The following CYP2C19 variants were observed in gnomAD, a reference collection of about 807,000 sequenced individuals.
The protein encoded by CYP2C19 is cytochrome P450 2C19.
A neutral mutation model predicts 40.9 loss-of-function variants in CYP2C19; 59 were observed. The ratio of observed to expected loss-of-function variants is 1.44; its 90% CI spans 1.17 to 1.79. The LOEUF (loss-of-function observed/expected upper bound fraction) is 1.79, where lower values mean the gene tolerates loss of function less well. CYP2C19 is among the 40% of genes most tolerant of loss of function. The pLI is 0.00. For missense variants in CYP2C19, 754 were observed against 596.9 expected (o/e 1.26, Z -2.74); for synonymous variants, 253 against 208.7 (o/e 1.21, Z -1.83).
At chr10:94,824,363 A>G (rs927204531) in intron 6 of CYP2C19, among the ~76,000 whole-genome samples, 1 of 152,182 alleles carries the variant, frequency 6.6e-6, no homozygotes. Context: ...AAAGATAAGT[A>G]AGAAATAGAA....
intron 6 of CYP2C19, among the ~76,000 whole-genome samples, chr10:94,839,068 T>C (rs1849449340): frequency 1.3e-5 from 2 of 152,300 alleles, no homozygotes; most frequent in South Asian, 4.1e-4. Context: ...ACACCCCTAG[T>C]CATTTTCTGA....
chr10:94,852,973 C>T lies in CYP2C19; in HGVS notation c.*59C>T. On this transcript the variant is annotated 3_prime_UTR_variant, in exon 9 of 9. Transcript: ENST00000371321. Reference sequence around the variant, plus strand: ...TCCCTGCAGCTCTCTTTCCTCTGGTCCAAATTTCACTATCTGTGATGCTTC... The same window carrying T: ...TCCCTGCAGCTCTCTTTCCTCTGGTTCAAATTTCACTATCTGTGATGCTTC... 6.4e-7 allele frequency: 1 copy of T among 1,552,246 alleles called. No individual in the cohort carries two copies. Among genetic ancestry groups the T allele is most frequent in the South Asian group, 1.1e-5 (1 of 87,978 alleles).
chr10:94,765,873 G>C (rs1343703783), intron 1 of CYP2C19, among the ~76,000 whole-genome samples: 1 of 152,086 alleles, frequency 6.6e-6, no homozygotes, highest in Non-Finnish European at 1.5e-5. Flanking sequence ...AGGTGCCTCA[G>C]GGGCAGGCCT....
intron 5 of CYP2C19, among the ~76,000 whole-genome samples, chr10:94,819,035 CTA>C (rs1849065959): frequency 6.7e-6 from 1 of 149,410 alleles, no homozygotes; most frequent in African/African-American, 2.5e-5. Context: ...TTATAACAAA[CTA>C]TCTCTCAGAC....
intron 6 of CYP2C19, among the ~76,000 whole-genome samples, chr10:94,823,590 A>G (rs751747731): frequency 3.3e-5 from 5 of 152,218 alleles, no homozygotes; most frequent in African/African-American, 7.2e-5. Context: ...TCTGCTAGAC[A>G]CAGGGTCATG....
intron 3 of CYP2C19, 110 bp from the exon 4 acceptor site, chr10:94,780,389 A>T (rs779184775): frequency 3.6e-6 from 5 of 1,387,984 alleles, no homozygotes; most frequent in Non-Finnish European, 4.9e-6. Flanking sequence ...AAGGGAATTC[A>T]TAGGTAAGAT....
At chr10:94,796,188 A>G (rs1848683611) in intron 5 of CYP2C19, among the ~76,000 whole-genome samples, 1 of 152,144 alleles carries the variant, frequency 6.6e-6, no homozygotes, top group South Asian at 2.1e-4. Context: ...AGGTGTAAGG[A>G]AGGGATCCAG....
chr10:94,786,351 G>C (rs891563785), intron 5 of CYP2C19, among the ~76,000 whole-genome samples: 1 of 151,974 alleles, frequency 6.6e-6, no homozygotes, highest in Non-Finnish European at 1.5e-5. Flanking sequence ...ACAATATTAA[G>C]TCTTCCAATC....
Position 94,842,818 on chromosome 10 carries a change from C to T in CYP2C19, c.962-19C>T. On this transcript the variant is annotated intron_variant, in intron 6 of 8. Coordinates refer to ENST00000371321, the MANE Select transcript of CYP2C19 (RefSeq NM_000769.4). ...CCATTTCTCTCCTTTTCCATCAGTT[C>T]TTACTTGTGTCTTGTCAGCTAAAGT... The T allele has an allele frequency of 6.2e-7, 1 of 1,613,682 alleles. No individual in the cohort carries two copies. The highest frequency in any genetic ancestry group is 8.5e-7 in the Non-Finnish European group (1 of 1,179,634).
chr10:94,801,935 A>C (rs1564669750), intron 5 of CYP2C19, among the ~76,000 whole-genome samples: 1 of 152,234 alleles, frequency 6.6e-6, no homozygotes, highest in Non-Finnish European at 1.5e-5. Flanking sequence ...AGACCAAAAA[A>C]GTGAGTAGCA....
At chr10:94,817,868 C>T (rs1392993171) in intron 5 of CYP2C19, among the ~76,000 whole-genome samples, 7 of 151,638 alleles carry the variant, frequency 4.6e-5, no homozygotes, top group African/African-American at 1.7e-4. Context: ...AAAAAATTAG[C>T]CGGGCGTAGT....
chr10:94,845,086 A>C (rs1849552429), intron 7 of CYP2C19, among the ~76,000 whole-genome samples: 1 of 152,184 alleles, frequency 6.6e-6, no homozygotes, highest in Admixed American at 6.5e-5. Flanking sequence ...TGCGTGGCCA[A>C]TTCTACCCTC....
chr10:94,766,303 A>ATTGT (rs149578752), intron 1 of CYP2C19, among the ~76,000 whole-genome samples: 38 of 106,172 alleles, frequency 3.6e-4, no homozygotes, highest in African/African-American at 1.7e-3. Flanking sequence ...GGGAGGGGTG[A>ATTGT]TTGAGGTATC....
chr10:94,846,891 TAACA>T (rs965744019), intron 7 of CYP2C19, among the ~76,000 whole-genome samples: 1 of 151,928 alleles, frequency 6.6e-6, no homozygotes, highest in African/African-American at 2.4e-5. Context: ...CTTTAAATGA[TAACA>T]AACAAACTAC....
intron 5 of CYP2C19, among the ~76,000 whole-genome samples, chr10:94,810,748 T>A (rs1848910405): frequency 6.6e-6 from 1 of 152,208 alleles, no homozygotes; most frequent in Non-Finnish European, 1.5e-5. Context: ...TTTATCATTT[T>A]TTTGTTCTCT....
chr10:94,835,549 C>T (rs1009744528), intron 6 of CYP2C19, among the ~76,000 whole-genome samples: 2 of 152,040 alleles, frequency 1.3e-5, no homozygotes, highest in African/African-American at 4.8e-5. Context: ...GCTCTTTTGG[C>T]CTCAATATCT....
chr10:94,817,449 G>C lies in CYP2C19; in HGVS notation c.820-3047G>C, dbSNP rs1355734539. Among the ~76,000 whole-genome samples the C allele has an allele frequency of 5.0e-5, 7 of 140,736 alleles. No homozygotes were observed. The South Asian group carries it at 7.6e-4, about 15-fold the overall frequency. The allele number at this position is 140,736 out of a possible 152,430, so 92.3% of individuals were successfully genotyped here. On this transcript the variant is annotated intron_variant, in intron 5 of 8. Coordinates refer to ENST00000371321, the MANE Select transcript of CYP2C19 (RefSeq NM_000769.4). ...TTGTTTGTTTTTTTCTTGTAAATTT[G>C]TTTGAGTTCATTGTAGATTCTGGAT...
intron 6 of CYP2C19, among the ~76,000 whole-genome samples, chr10:94,827,569 C>G (rs1435429835): frequency 4.6e-5 from 7 of 151,980 alleles, no homozygotes; most frequent in Admixed American, 4.6e-4. Context: ...CTTTATTAGT[C>G]TTGCTAGTGG....
At chr10:94,826,231 C>G (rs1849219169) in intron 6 of CYP2C19, among the ~76,000 whole-genome samples, 1 of 151,984 alleles carries the variant, frequency 6.6e-6, no homozygotes, top group Admixed American at 6.6e-5. Context: ...GGCATTGAAT[C>G]TGTAAATTAC....
Sources: allele counts gnomAD v4.1 joint callset (sites outside exome capture counted in the v4.1 genomes callset), GRCh38; gene constraint gnomAD v4.1.1; transcripts MANE v1.5; gene names NCBI Gene and HGNC (gene_info 2026-07-23, HGNC 2026-07-21).